The following SMOC1 variants were observed in gnomAD, a reference collection of about 807,000 sequenced individuals.
SMOC1 encodes SPARC-related modular calcium-binding protein 1.
SMOC1 carries 22 observed loss-of-function variants against 56.3 expected under a neutral mutation model. The ratio of observed to expected loss-of-function variants is 0.39; its 90% confidence interval spans 0.28 to 0.56. SMOC1 has a LOEUF of 0.56. Ranked by LOEUF, SMOC1 falls within the 20% of genes least tolerant of loss-of-function variation. The pLI is 0.61. For missense variants in SMOC1, 509 were observed against 565.4 expected, an observed-to-expected ratio of 0.90 and a Z score of 1.01; for synonymous variants, 193 against 215.0, an observed-to-expected ratio of 0.90 and a Z score of 0.89.
chr14:69,903,036 C>T (rs182804753), intron 1 of SMOC1, among the ~76,000 whole-genome samples: 2,044 of 152,294 alleles, frequency 0.013, 35 homozygotes, highest in African/African-American at 0.047. Context: ...TGCCCAGCCG[C>T]CACCCCGTCT....
intron 5 of SMOC1, among the ~76,000 whole-genome samples, chr14:69,991,098 TCTGA>T (rs1324188126): frequency 6.6e-6 from 1 of 152,192 alleles, no homozygotes; most frequent in East Asian, 1.9e-4. Context: ...TTATTGATGA[TCTGA>T]CTGGCGTCAC....
At chr14:69,976,678 C>A (rs1390938228) in intron 4 of SMOC1, among the ~76,000 whole-genome samples, 1 of 152,206 alleles carries the variant, frequency 6.6e-6, no homozygotes, top group Non-Finnish European at 1.5e-5. Flanking sequence ...CCTTAATTCA[C>A]TATGTGGCTC....
At chr14:69,900,311 G>A (rs1884209107) in intron 1 of SMOC1, among the ~76,000 whole-genome samples, 1 of 152,174 alleles carries the variant, frequency 6.6e-6, no homozygotes, top group Non-Finnish European at 1.5e-5. Context: ...TCCTAGCAAA[G>A]AACCCGGCAC....
At chr14:69,879,861 G>T in intron 1 of SMOC1, 84 bp downstream of exon 1, 1 of 1,237,056 alleles carries the variant, frequency 8.1e-7, no homozygotes. Flanking sequence ...GGAGGAGGGG[G>T]AAGAGAGATG....
chr14:69,929,856 C>T (rs939709087), intron 1 of SMOC1, among the ~76,000 whole-genome samples: 5 of 152,090 alleles, frequency 3.3e-5, no homozygotes, highest in African/African-American at 1.2e-4. Flanking sequence ...GCCCCAGAGG[C>T]GTTAGGCTGA....
At chr14:69,968,207 T>C (rs888721630) in intron 3 of SMOC1, among the ~76,000 whole-genome samples, 9 of 152,328 alleles carry the variant, frequency 5.9e-5, no homozygotes, top group African/African-American at 2.2e-4. Context: ...GATGCTCCTT[T>C]GACACAGTGG....
At chr14:69,950,777 G>T (rs1882967814) in intron 1 of SMOC1, among the ~76,000 whole-genome samples, 1 of 152,214 alleles carries the variant, frequency 6.6e-6, no homozygotes, top group Admixed American at 6.5e-5. Context: ...GTTGTTAACA[G>T]GGGGTTCCCT....
At chr14:69,883,461 A>C (rs1883702607) in intron 1 of SMOC1, among the ~76,000 whole-genome samples, 1 of 152,188 alleles carries the variant, frequency 6.6e-6, no homozygotes, top group Admixed American at 6.5e-5. Flanking sequence ...ACAGGACTTC[A>C]TTCTTTTCTG....
At chr14:70,014,780 C>T (rs376259638) in intron 10 of SMOC1, among the ~76,000 whole-genome samples, 298 of 152,246 alleles carry the variant, frequency 2.0e-3, no homozygotes, top group African/African-American at 6.9e-3. Context: ...GAGGAGGGAG[C>T]GTTAGTCCCC....
intron 1 of SMOC1, among the ~76,000 whole-genome samples, chr14:69,948,511 T>A (rs1048007209): frequency 6.6e-6 from 1 of 152,178 alleles, no homozygotes; most frequent in Non-Finnish European, 1.5e-5. Context: ...GCACAGCTGC[T>A]GTGGCCTCTC....
At chr14:69,899,840 C>A (rs1315011822) in intron 1 of SMOC1, among the ~76,000 whole-genome samples, 2 of 152,122 alleles carry the variant, frequency 1.3e-5, no homozygotes, top group Non-Finnish European at 2.9e-5. Flanking sequence ...GGTTTAGATA[C>A]CGGTTTAGGT....
At chr14:69,961,304 A>G (rs1398096386) in intron 3 of SMOC1, among the ~76,000 whole-genome samples, 5 of 98,014 alleles carry the variant, frequency 5.1e-5, no homozygotes, top group African/African-American at 1.5e-4. Context: ...ATATATATAT[A>G]TATATATATA....
At chr14:69,921,251 A>G (rs942072621) in intron 1 of SMOC1, among the ~76,000 whole-genome samples, 1 of 152,078 alleles carries the variant, frequency 6.6e-6, no homozygotes, top group Admixed American at 6.5e-5. Context: ...CTTGGTCATT[A>G]CATCATGGGC....
intron 3 of SMOC1, among the ~76,000 whole-genome samples, chr14:69,971,053 T>A (rs1883746766): frequency 6.6e-6 from 1 of 152,180 alleles, no homozygotes; most frequent in African/African-American, 2.4e-5. Flanking sequence ...GAATCTCACT[T>A]TATTGCCCAG....
At chr14:69,901,529 T>C (rs1884241859) in intron 1 of SMOC1, among the ~76,000 whole-genome samples, 1 of 152,164 alleles carries the variant, frequency 6.6e-6, no homozygotes. Flanking sequence ...TGGCCTATAA[T>C]GGGGCTGTGG....
chr14:69,902,327 A>G (rs1488230166), intron 1 of SMOC1, among the ~76,000 whole-genome samples: 1 of 152,250 alleles, frequency 6.6e-6, no homozygotes, highest in Non-Finnish European at 1.5e-5. Context: ...CTCTGCTAAA[A>G]GCTTCCTTAA....
At chr14:70,000,912 A>G (rs542999542) in intron 7 of SMOC1, among the ~76,000 whole-genome samples, 10 of 152,336 alleles carry the variant, frequency 6.6e-5, no homozygotes, top group South Asian at 2.1e-4. Flanking sequence ...GCCTCGGCCA[A>G]CGTCAGGGAT....
chr14:70,008,869 A>C (rs1351370602), intron 7 of SMOC1, among the ~76,000 whole-genome samples: 2 of 152,214 alleles, frequency 1.3e-5, no homozygotes, highest in Non-Finnish European at 2.9e-5. Context: ...GGAGCTATTG[A>C]AAAATTCTTG....
chr14:69,965,324 T>G (rs1454105128), intron 3 of SMOC1, among the ~76,000 whole-genome samples: 1 of 151,578 alleles, frequency 6.6e-6, no homozygotes, highest in East Asian at 1.9e-4. Flanking sequence ...GAGATTGCAG[T>G]GAGCCGAGTT....
Sources: gnomAD v4.1 joint callset for allele counts (sites outside exome capture counted in the v4.1 genomes callset) on GRCh38, gnomAD v4.1.1 for gene constraint, MANE v1.5 for transcripts, NCBI Gene and HGNC (gene_info 2026-07-23, HGNC 2026-07-21) for gene names.